ATP2B2: variants seen among roughly 807,000 people sequenced by gnomAD.
ATP2B2 encodes the protein plasma membrane calcium-transporting ATPase 2.
In ATP2B2, 15 loss-of-function variants were observed where a neutral mutation model predicts 120.0. That is an observed-to-expected ratio of 0.12 (90% confidence interval 0.08 to 0.19). The LOEUF (loss-of-function observed/expected upper bound fraction) is 0.19, where lower values mean the gene tolerates loss of function less well. ATP2B2 is among the 10% of genes least tolerant of loss of function. ATP2B2 has a pLI of 1.00. For missense variants in ATP2B2, 1,045 were observed against 1,719.8 expected, an observed-to-expected ratio of 0.61 and a Z score of 6.94; for synonymous variants, 694 against 700.3, an observed-to-expected ratio of 0.99 and a Z score of 0.14.
chr3:10,356,964 TGAGAGAGAGAGAGAGAGA>T (rs4040764), intron 14 of ATP2B2, among the ~76,000 whole-genome samples: 2 of 144,344 alleles, frequency 1.4e-5, no homozygotes, highest in Non-Finnish European at 3.1e-5. Context: ...TGTGTGTGTA[TGAGAGAGAGAGAGAGAGA>T]GAGAGAGAGA....
chr3:10,396,934 C>A lies in ATP2B2; in HGVS notation c.781+4019G>T, dbSNP rs189821903. Among the ~76,000 whole-genome samples, 295 of 152,314 alleles carry A rather than the reference C, an allele frequency of 1.9e-3. 2 individuals carry two copies. The highest frequency in any genetic ancestry group is 6.8e-3 in the African/African-American group (284 of 41,578). ...GTCTGTTTCACCCCCAAGTCCAGGC[C>A]TCACCCAAGGAATGGGGAAGGGAAC... On this transcript the variant is annotated intron_variant, in intron 5 of 22. Coordinates refer to ENST00000360273, the MANE Select transcript of ATP2B2 (RefSeq NM_001001331.4).
chr3:10,641,702 G>C (rs1007695996), intron 1 of ATP2B2, among the ~76,000 whole-genome samples: 5 of 152,160 alleles, frequency 3.3e-5, no homozygotes, highest in African/African-American at 9.6e-5. Context: ...CTCTGGGAGG[G>C]AGATGTGCTG....
At position 10,338,284 on chromosome 3, in the gene ATP2B2, G is replaced by T; in HGVS notation, c.3312C>A (p.Ile1104=). ...EAGRLTQKEE[I]PEEELNEDVE... is the part of the protein sequence containing the mutation. Reference sequence around the variant, plus strand: ...CGTCCTCGTTGAGCTCCTCCTCCGGGATCTCCTCCTTCTGTGTGAGCCTGC... The same window carrying T: ...CGTCCTCGTTGAGCTCCTCCTCCGGTATCTCCTCCTTCTGTGTGAGCCTGC... Residue 1104 remains isoleucine, a synonymous_variant, in exon 22 of 23, where the codon ATC becomes ATA. Coordinates refer to ENST00000360273, the MANE Select transcript of ATP2B2 (RefSeq NM_001001331.4). 1 of 1,614,210 alleles carries T rather than the reference G, an allele frequency of 6.2e-7. No homozygotes were observed. Among genetic ancestry groups the T allele is most frequent in the East Asian group, 2.2e-5 (1 of 44,868 alleles).
chr3:10,388,167 G>T (rs931919087), intron 6 of ATP2B2, 110 bp downstream of exon 6: 67 of 1,528,490 alleles, frequency 4.4e-5, no homozygotes, highest in Non-Finnish European at 6.0e-5. Flanking sequence ...TCAGCACAGG[G>T]TGCGGACGTA....
At chr3:10,556,394 G>C (rs1195749946) in intron 2 of ATP2B2, among the ~76,000 whole-genome samples, 1 of 152,222 alleles carries the variant, frequency 6.6e-6, no homozygotes, top group African/African-American at 2.4e-5. Flanking sequence ...AGTGGTGGGG[G>C]AGACAAATGC....
chr3:10,542,693 A>G (rs2125498088), intron 2 of ATP2B2, among the ~76,000 whole-genome samples: 1 of 152,352 alleles, frequency 6.6e-6, no homozygotes, highest in Middle Eastern at 3.4e-3. Flanking sequence ...GTTTCTGAAG[A>G]GAAATCTGCT....
intron 2 of ATP2B2, among the ~76,000 whole-genome samples, chr3:10,554,655 C>T (rs1037630188): frequency 6.6e-6 from 1 of 152,196 alleles, no homozygotes; most frequent in African/African-American, 2.4e-5. Flanking sequence ...ACAGAACTGT[C>T]AGCTGATCAA....
intron 1 of ATP2B2, among the ~76,000 whole-genome samples, chr3:10,696,788 T>C (rs2071748238): frequency 6.6e-6 from 1 of 152,188 alleles, no homozygotes. Context: ...AAAGCCAGAC[T>C]GGCAGGAAAG....
intron 1 of ATP2B2, among the ~76,000 whole-genome samples, chr3:10,455,858 C>G (rs1169646544): frequency 3.9e-5 from 6 of 152,350 alleles, no homozygotes; most frequent in Middle Eastern, 3.4e-3. Context: ...CTCAGTTTCC[C>G]CATGTGGGAA....
intron 1 of ATP2B2, among the ~76,000 whole-genome samples, chr3:10,691,991 A>G (rs2071671654): frequency 6.6e-6 from 1 of 152,226 alleles, no homozygotes; most frequent in African/African-American, 2.4e-5. Context: ...AGAGAGACCT[A>G]GTTACAGTTA....
chr3:10,401,894 T>G (rs2062233458), intron 4 of ATP2B2, among the ~76,000 whole-genome samples, 197 bp downstream of exon 4: 1 of 152,224 alleles, frequency 6.6e-6, no homozygotes, highest in Non-Finnish European at 1.5e-5. Context: ...ATTTCTGATT[T>G]AAATGGATTC....
At chr3:10,653,551 C>G (rs1015751619) in intron 1 of ATP2B2, among the ~76,000 whole-genome samples, 2 of 152,164 alleles carry the variant, frequency 1.3e-5, no homozygotes, top group Non-Finnish European at 2.9e-5. Context: ...CAGAATGCTC[C>G]GCCAAAGGCA....
chr3:10,507,463 C>T (rs940054910), upstream of ATP2B2, among the ~76,000 whole-genome samples: 9 of 152,162 alleles, frequency 5.9e-5, no homozygotes, highest in Non-Finnish European at 1.2e-4. Flanking sequence ...ACAGGCTCTC[C>T]GTTCCCCAAA....
rs1255987505 is a variant in ATP2B2 at position 10,360,066 on chromosome 3, G to A, written c.1717C>T (p.Leu573=). 1 of 1,609,866 alleles carries A rather than the reference G, an allele frequency of 6.2e-7. No homozygotes were observed. The highest frequency in any genetic ancestry group is 1.1e-5 in the South Asian group (1 of 91,046). The change falls in exon 13 of 23, where the codon CTG becomes TTG. Residue 573 remains leucine (L), a synonymous_variant. Transcript: ENST00000360273. ...TTCAGGTCCAGCACGAAGCCCAGCA[G>A]GCCGCACTCCGTCTTGTTGCCCACC... ...RQVGNKTECG[L]LGFVLDLKQD... is the part of the protein sequence containing the mutation.
chr3:10,637,500 T>C (rs2070054488), intron 1 of ATP2B2, among the ~76,000 whole-genome samples: 1 of 151,968 alleles, frequency 6.6e-6, no homozygotes, highest in Non-Finnish European at 1.5e-5. Context: ...ATGTCTGAAA[T>C]GAAAAAGACA....
chr3:10,393,995 G>A (rs1356225550), intron 5 of ATP2B2, among the ~76,000 whole-genome samples: 1 of 152,212 alleles, frequency 6.6e-6, no homozygotes, highest in African/African-American at 2.4e-5. Context: ...GAACTGGGAA[G>A]CCTCCTTTTA....
intron 1 of ATP2B2, among the ~76,000 whole-genome samples, chr3:10,451,838 G>T (rs2064064237): frequency 6.6e-6 from 1 of 152,176 alleles, no homozygotes; most frequent in Non-Finnish European, 1.5e-5. Context: ...GGAGAAGCAG[G>T]TGAGGCAGGG....
intron 1 of ATP2B2, among the ~76,000 whole-genome samples, chr3:10,646,174 G>A (rs7625838): frequency 0.27 from 40,389 of 152,102 alleles, 9,321 homozygotes; most frequent in African/African-American, 0.62. Context: ...TGGGCATGTC[G>A]ATGGCCTTCC....
rs578129528 is a variant in ATP2B2 at position 10,481,836 on chromosome 3, G to C, written c.-320+23629C>G. Among the ~76,000 whole-genome samples, 13 of 152,308 alleles carry C rather than the reference G, an allele frequency of 8.5e-5. No individual in the cohort carries two copies. In the East Asian group the frequency reaches 2.5e-3, roughly 29 times the overall value. On this transcript the variant is annotated intron_variant, in intron 1 of 22. Transcript: ENST00000360273. ...CCCAAAGTGCTGGGATTACAGGTGT[G>C]AGCCACCATGTCCCACCTCTGCTAT... is the stretch of plus-strand genomic sequence containing the variant.
Sources: allele counts gnomAD v4.1 joint callset (sites outside exome capture counted in the v4.1 genomes callset), GRCh38; gene constraint gnomAD v4.1.1; transcripts MANE v1.5; gene names NCBI Gene and HGNC (gene_info 2026-07-23, HGNC 2026-07-21).